OCLN: variants seen among roughly 807,000 people sequenced by gnomAD.
The protein encoded by OCLN is occludin.
A neutral mutation model predicts 47.9 loss-of-function variants in OCLN; 21 were observed. That is an observed-to-expected ratio of 0.44 (90% CI 0.31 to 0.63). The LOEUF is 0.63. Among genes scored for constraint, OCLN ranks in the 30% least tolerant of loss-of-function variants. The probability of loss-of-function intolerance (pLI) is 0.08; values close to 1 mark genes in which losing one functional copy is unlikely to be tolerated. For missense variants in OCLN, 360 were observed against 571.0 expected, an observed-to-expected ratio of 0.63 and a Z score of 3.77; for synonymous variants, 117 against 198.4, an observed-to-expected ratio of 0.59 and a Z score of 3.45.
At chr5:69,500,716 G>A (rs568381953) in intron 1 of OCLN, among the ~76,000 whole-genome samples, 16 of 152,016 alleles carry the variant, frequency 1.1e-4, no homozygotes, top group South Asian at 2.1e-4. Flanking sequence ...TTTAAAATCC[G>A]TGCTTTTGGG....
intron 2 of OCLN, among the ~76,000 whole-genome samples, chr5:69,506,069 G>A (rs1484787355): frequency 6.6e-6 from 1 of 152,166 alleles, no homozygotes; most frequent in African/African-American, 2.4e-5. Context: ...TCCCACAGTT[G>A]TCTCCTTGGG....
intron 4 of OCLN, among the ~76,000 whole-genome samples, chr5:69,519,480 T>TG (rs1769073111): frequency 6.6e-6 from 1 of 152,224 alleles, no homozygotes; most frequent in Admixed American, 6.5e-5. Flanking sequence ...TTCCTTTTTC[T>TG]GGATATCTTG....
At chr5:69,518,328 A>G (rs1212027851) in intron 4 of OCLN, among the ~76,000 whole-genome samples, 2 of 152,238 alleles carry the variant, frequency 1.3e-5, no homozygotes, top group African/African-American at 4.8e-5. Flanking sequence ...TAGCAGATAT[A>G]TGATTTTGCC....
intron 1 of OCLN, among the ~76,000 whole-genome samples, chr5:69,497,385 A>ATTTTTTTTTTTTTTTTTTT (rs373562576): frequency 8.6e-6 from 1 of 116,316 alleles, no homozygotes. Flanking sequence ...GTTTTTCTAG[A>ATTTTTTTTTTTTTTTTTTT]TTTTTTTTTT....
chr5:69,549,758 T>C (rs1286006546), intron 7 of OCLN, among the ~76,000 whole-genome samples: 3 of 151,804 alleles, frequency 2.0e-5, no homozygotes, highest in Non-Finnish European at 4.4e-5. Context: ...GTCAATCACT[T>C]ACGTAAGTAT....
intron 4 of OCLN, among the ~76,000 whole-genome samples, chr5:69,516,189 C>T (rs1768961276): frequency 6.6e-6 from 1 of 152,096 alleles, no homozygotes; most frequent in African/African-American, 2.4e-5. Context: ...CACGCCACTG[C>T]ACTCCAGCCT....
At position 69,496,356 on chromosome 5, in the gene OCLN, C is replaced by G. The variant is rs934169413; in HGVS notation, c.-69+3456C>G. ...CTCGTGATCCTCCCGTCTCGGCCCC[C>G]CAAAGTGCTGGGATTACAGGCGTGA... On this transcript the variant is annotated intron_variant, in intron 1 of 8. Coordinates refer to ENST00000396442, the MANE Select transcript of OCLN (RefSeq NM_001205254.2). Among the ~76,000 whole-genome samples the G allele has an allele frequency of 2.6e-5, 4 of 152,030 alleles. 1 individual carries two copies. Among genetic ancestry groups the G allele is most frequent in the South Asian group, 4.1e-4 (2 of 4,830 alleles).
At chr5:69,525,308 G>T (rs1769247537) in intron 4 of OCLN, among the ~76,000 whole-genome samples, 1 of 151,976 alleles carries the variant, frequency 6.6e-6, no homozygotes, top group Non-Finnish European at 1.5e-5. Flanking sequence ...GTTTCGCCAT[G>T]TTAGCCAGGA....
intron 4 of OCLN, among the ~76,000 whole-genome samples, chr5:69,525,203 G>C (rs1769244993): frequency 6.6e-6 from 1 of 151,508 alleles, no homozygotes; most frequent in African/African-American, 2.4e-5. Flanking sequence ...CTCCCGGGTT[G>C]ACGCCATTCT....
At chr5:69,511,374 G>T (rs527550717) in intron 3 of OCLN, among the ~76,000 whole-genome samples, 1 of 151,664 alleles carries the variant, frequency 6.6e-6, no homozygotes. Context: ...GAGCCACTGT[G>T]CCCGGCCTAG....
At chr5:69,512,527 C>G (rs1413854495) in intron 3 of OCLN, among the ~76,000 whole-genome samples, 1 of 152,076 alleles carries the variant, frequency 6.6e-6, no homozygotes, top group Non-Finnish European at 1.5e-5. Context: ...TGGCTAGATT[C>G]TGGATTCCTT....
At chr5:69,518,038 G>A (rs768282498) in intron 4 of OCLN, among the ~76,000 whole-genome samples, 10 of 152,168 alleles carry the variant, frequency 6.6e-5, no homozygotes, top group Non-Finnish European at 2.9e-5. Context: ...TAATATTAGA[G>A]TCCCAGTGAA....
chr5:69,511,324 C>T (rs970614610), intron 3 of OCLN, among the ~76,000 whole-genome samples: 2 of 151,462 alleles, frequency 1.3e-5, no homozygotes, highest in Non-Finnish European at 2.9e-5. Context: ...ACCTCGTGAT[C>T]CGCCCGCCTC....
chr5:69,517,314 ATTTTTT>A (rs58026583), intron 4 of OCLN, among the ~76,000 whole-genome samples: 1 of 131,908 alleles, frequency 7.6e-6, no homozygotes. Flanking sequence ...ATATATATAT[ATTTTTT>A]TTTTTTTTGA....
At chr5:69,515,528 C>G (rs1157917582) in intron 4 of OCLN, among the ~76,000 whole-genome samples, 1 of 8,002 alleles carries the variant, frequency 1.2e-4, no homozygotes, top group Non-Finnish European at 2.8e-4. Context: ...GCTGGCCGGG[C>G]GGGGGGCTGA....
Position 69,519,095 on chromosome 5 carries a change from G to T in OCLN, c.891+4986G>T, listed in dbSNP as rs749184490. On this transcript the variant is annotated intron_variant, in intron 4 of 8. Transcript: ENST00000396442. ...CAAGGCTGCAGTGAGGCATGATCTC[G>T]CCACTGCACTCCAGCCTGGGTGACA... Among the ~76,000 whole-genome samples, 9 of 152,046 alleles carry T rather than the reference G, an allele frequency of 5.9e-5. No homozygotes were observed. In the East Asian group the frequency reaches 1.7e-3, roughly 29 times the overall value.
chr5:69,555,236 A>AGTGTGT lies in OCLN; in HGVS notation c.*1584_*1589dup, dbSNP rs373178468. On this transcript the variant is annotated 3_prime_UTR_variant, in exon 9 of 9. Coordinates refer to ENST00000396442, the MANE Select transcript of OCLN (RefSeq NM_001205254.2). ...GGCGTGAGCCACCATGCCTGGCCTAAGTGTGTGTGTGTGTGTGTGTGTGTA... is the reference window on the plus strand; with the variant it reads ...GGCGTGAGCCACCATGCCTGGCCTAAGTGTGTGTGTGTGTGTGTGTGTGTGTGTGTA... The AGTGTGT allele has an allele frequency of 9.9e-6, 1 of 100,526 alleles. No individual in the cohort carries two copies. Among genetic ancestry groups the AGTGTGT allele is most frequent in the African/African-American group, 3.8e-5 (1 of 26,376 alleles). The allele number at this position is 100,526 out of a possible 1,614,324, so 6.2% of individuals were successfully genotyped here.
chr5:69,514,913 C>T (rs1217138930), intron 4 of OCLN, among the ~76,000 whole-genome samples: 2 of 152,228 alleles, frequency 1.3e-5, no homozygotes, highest in South Asian at 2.1e-4. Context: ...AAAAGTCTCC[C>T]GTGTCTACCA....
chr5:69,548,768 G>A (rs1027960270), intron 7 of OCLN, among the ~76,000 whole-genome samples: 5 of 150,614 alleles, frequency 3.3e-5, no homozygotes, highest in Non-Finnish European at 7.4e-5. Flanking sequence ...AGAATAGCGT[G>A]CCTAACATGG....
Sources: gnomAD v4.1 joint callset for allele counts (sites outside exome capture counted in the v4.1 genomes callset) on GRCh38, gnomAD v4.1.1 for gene constraint, MANE v1.5 for transcripts, NCBI Gene and HGNC (gene_info 2026-07-23, HGNC 2026-07-21) for gene names.